The following TNR variants were observed in gnomAD, a reference collection of about 807,000 sequenced individuals.
TNR encodes tenascin-R.
In TNR, 45 loss-of-function variants were observed where a neutral mutation model predicts 150.4. That is an observed-to-expected ratio of 0.30 (90% CI 0.24 to 0.38). TNR has a LOEUF of 0.38. Ranked by LOEUF, TNR falls within the 10% of genes least tolerant of loss-of-function variation. TNR has a pLI of 1.00. For synonymous variants in TNR, 687 were observed against 678.4 expected (o/e 1.01, Z -0.20); for missense variants, 1,544 against 1,759.1 (o/e 0.88, Z 2.19).
intron 1 of TNR, among the ~76,000 whole-genome samples, chr1:175,543,677 G>A (rs758476137): frequency 2.2e-4 from 33 of 152,072 alleles, no homozygotes; most frequent in African/African-American, 4.1e-4. Flanking sequence ...TGGGAAACTC[G>A]TAATTTATAT....
At chr1:175,637,411 C>A (rs538471370) in intron 1 of TNR, among the ~76,000 whole-genome samples, 2 of 152,128 alleles carry the variant, frequency 1.3e-5, no homozygotes, top group South Asian at 4.1e-4. Flanking sequence ...TCTCCAACAC[C>A]AAATCTTATC....
chr1:175,586,716 G>T (rs571641840), intron 1 of TNR, among the ~76,000 whole-genome samples: 1 of 152,206 alleles, frequency 6.6e-6, no homozygotes, highest in Non-Finnish European at 1.5e-5. Context: ...CTTCATTAGA[G>T]TATGTTCCAG....
intron 3 of TNR, among the ~76,000 whole-genome samples, chr1:175,405,941 C>G (rs1653936445): frequency 6.6e-6 from 1 of 152,210 alleles, no homozygotes; most frequent in South Asian, 2.1e-4. Flanking sequence ...CTCATCCCCC[C>G]AAAATCAGGT....
chr1:175,737,313 A>T (rs1191973852), intron 1 of TNR, among the ~76,000 whole-genome samples: 2 of 152,204 alleles, frequency 1.3e-5, no homozygotes, highest in Non-Finnish European at 2.9e-5. Context: ...GTATATATCA[A>T]AATGTTTTAC....
intron 18 of TNR, among the ~76,000 whole-genome samples, chr1:175,341,398 A>G (rs559929988): frequency 1.3e-5 from 2 of 152,274 alleles, no homozygotes; most frequent in East Asian, 3.9e-4. Flanking sequence ...GAGAAAAGCC[A>G]CAACAAGTGC....
intron 14 of TNR, among the ~76,000 whole-genome samples, chr1:175,361,247 G>A (rs1651573269): frequency 6.6e-6 from 1 of 152,154 alleles, no homozygotes; most frequent in South Asian, 2.1e-4. Flanking sequence ...GTTTTTGATT[G>A]AAGTTGCTGG....
chr1:175,543,508 G>A (rs1393377473), intron 1 of TNR, among the ~76,000 whole-genome samples: 1 of 152,150 alleles, frequency 6.6e-6, no homozygotes, highest in African/African-American at 2.4e-5. Flanking sequence ...AAACTGACAA[G>A]TAGAAAAACC....
chr1:175,338,822 C>T (rs1208382954), intron 18 of TNR, among the ~76,000 whole-genome samples: 2 of 152,124 alleles, frequency 1.3e-5, no homozygotes, highest in Non-Finnish European at 2.9e-5. Flanking sequence ...TCATAGATCA[C>T]CAGTGAAGCC....
Position 175,393,802 on chromosome 1 carries a change from C to A in TNR, c.1334G>T (p.Trp445Leu). The A allele has an allele frequency of 6.2e-7, 1 of 1,614,030 alleles. No individual in the cohort carries two copies. Among genetic ancestry groups the A allele is most frequent in the South Asian group, 1.1e-5 (1 of 91,076 alleles). ...TACCTTTGGAATGAAGCTGATTTCC[C>A]ACCCATCGAAGGAAAATGAGAAGGG... ...WEPFSFSFDGWEISFIPKNNE... is the reference protein window; with the variant it reads ...WEPFSFSFDGLEISFIPKNNE... Residue 445 changes from tryptophan to leucine, a missense_variant, in exon 6 of 23, where the codon TGG becomes TTG. By Grantham distance (61) the Trp-to-Leu change is moderately conservative. Transcript: ENST00000367674.
At chr1:175,400,779 T>C (rs1653671775) in intron 4 of TNR, among the ~76,000 whole-genome samples, 1 of 152,192 alleles carries the variant, frequency 6.6e-6, no homozygotes, top group African/African-American at 2.4e-5. Context: ...TGCTGTGGTG[T>C]GTGCACCCGG....
chr1:175,406,846 C>G lies in TNR; in HGVS notation c.-63-69G>C. ...CCTTGGCACCATGGCTCTGCACAAGCCTACAAAGCTCAGGAGTAGGCAGCC... is the reference window on the plus strand; with the variant it reads ...CCTTGGCACCATGGCTCTGCACAAGGCTACAAAGCTCAGGAGTAGGCAGCC... On this transcript the variant is annotated intron_variant, in intron 2 of 22. Transcript: ENST00000367674. The G allele has an allele frequency of 2.4e-6, 3 of 1,246,258 alleles. No homozygotes were observed. The South Asian group carries it at 4.4e-5, about 18-fold the overall frequency. 77.2% of individuals were successfully genotyped at this position (1,246,258 alleles called of 1,614,324 possible). A position where few individuals can be genotyped will look rare whatever the true frequency, so the allele number is the denominator to read the frequency against.
chr1:175,616,498 G>A (rs574756751), intron 1 of TNR, among the ~76,000 whole-genome samples: 6 of 152,288 alleles, frequency 3.9e-5, no homozygotes, highest in Non-Finnish European at 7.4e-5. Context: ...AGGCTTGGGG[G>A]TCTGGTGTAG....
chr1:175,508,623 A>T (rs550876462), intron 2 of TNR, among the ~76,000 whole-genome samples: 1 of 152,240 alleles, frequency 6.6e-6, no homozygotes, highest in Admixed American at 6.5e-5. Flanking sequence ...AGAGGCCCAC[A>T]TGATGAGAAG....
intron 2 of TNR, among the ~76,000 whole-genome samples, chr1:175,475,207 T>C (rs1557956710): frequency 6.6e-6 from 1 of 152,192 alleles, no homozygotes; most frequent in Admixed American, 6.5e-5. Context: ...CATCAACTCA[T>C]GTAGACTCTT....
chr1:175,591,885 C>T (rs1662813379), intron 1 of TNR, among the ~76,000 whole-genome samples: 2 of 152,186 alleles, frequency 1.3e-5, no homozygotes, highest in African/African-American at 4.8e-5. Flanking sequence ...GTGCAAAATT[C>T]ACCACATTCC....
intron 2 of TNR, among the ~76,000 whole-genome samples, chr1:175,423,252 A>T (rs973769862): frequency 2.0e-5 from 3 of 152,172 alleles, no homozygotes; most frequent in Admixed American, 6.5e-5. Flanking sequence ...GAGGTTCATT[A>T]TGGGCCATCC....
At chr1:175,721,782 G>A (rs931390420) in intron 1 of TNR, among the ~76,000 whole-genome samples, 1 of 151,990 alleles carries the variant, frequency 6.6e-6, no homozygotes, top group African/African-American at 2.4e-5. Context: ...TTCCCAGAGG[G>A]CGACACCTGC....
intron 2 of TNR, among the ~76,000 whole-genome samples, chr1:175,477,320 C>T (rs764675953): frequency 6.6e-6 from 1 of 152,122 alleles, no homozygotes; most frequent in Non-Finnish European, 1.5e-5. Context: ...GAGGAACCTG[C>T]GTAGAATATT....
At chr1:175,686,003 T>C (rs764396303) in intron 1 of TNR, among the ~76,000 whole-genome samples, 1 of 152,118 alleles carries the variant, frequency 6.6e-6, no homozygotes, top group Non-Finnish European at 1.5e-5. Context: ...TGCAAGAAGC[T>C]TTCTACCACC....
Sources: allele counts gnomAD v4.1 joint callset (sites outside exome capture counted in the v4.1 genomes callset), GRCh38; gene constraint gnomAD v4.1.1; transcripts MANE v1.5; gene names NCBI Gene and HGNC (gene_info 2026-07-23, HGNC 2026-07-21).